SAP30L: variants seen among roughly 807,000 people sequenced by gnomAD.
SAP30L encodes SAP30 like, also known as histone deacetylase complex subunit SAP30L.
Under a neutral mutation model 22.3 loss-of-function variants are expected in SAP30L, and 10 were observed. The observed-to-expected ratio is 0.45, with a 90% confidence interval of 0.28 to 0.76. The LOEUF (loss-of-function observed/expected upper bound fraction) is 0.76, where lower values mean the gene tolerates loss of function less well. SAP30L is among the 30% of genes least tolerant of loss of function. SAP30L has a pLI of 0.14. For synonymous variants in SAP30L, 91 were observed against 94.1 expected (o/e 0.97, Z 0.19); for missense variants, 206 against 237.9 (o/e 0.87, Z 0.88).
Position 154,456,808 on chromosome 5 carries a change from A to ATT in SAP30L, c.*781_*782insTT, listed in dbSNP as rs1417734839. 1 of 152,240 alleles carries ATT rather than the reference A, an allele frequency of 6.6e-6. No individual in the cohort carries two copies. The highest frequency in any genetic ancestry group is 2.4e-5 in the African/African-American group (1 of 41,462). The allele number at this position is 152,240 out of a possible 1,614,324, so 9.4% of individuals were successfully genotyped here. On this transcript the variant is annotated 3_prime_UTR_variant, in exon 4 of 4. Transcript: ENST00000297109. ...ACTGATATAGAGACCCTCACAGAAGATACGGTCCCTTATGCACCCCACTAT... is the reference window on the plus strand; with the variant it reads ...ACTGATATAGAGACCCTCACAGAAGATTTACGGTCCCTTATGCACCCCACTAT...
At position 154,459,687 on chromosome 5, in the gene SAP30L, G is replaced by A. The variant is rs890493315; in HGVS notation, c.*3659G>A. The A allele has an allele frequency of 1.3e-5, 2 of 152,224 alleles. No homozygotes were observed. Among genetic ancestry groups the A allele is most frequent in the African/African-American group, 4.8e-5 (2 of 41,442 alleles). 9.4% of individuals were successfully genotyped at this position (152,224 alleles called of 1,614,324 possible). On this transcript the variant is annotated 3_prime_UTR_variant, in exon 4 of 4. Coordinates refer to ENST00000297109, the MANE Select transcript of SAP30L (RefSeq NM_024632.6). ...GATGTTAGCAGCCTGCTAAACCTCA[G>A]ACAGATGAGGACTCAGTTCTGTGCT...
chr5:154,453,503 A>T lies in SAP30L; in HGVS notation c.423+3A>T. 1 of 1,604,348 alleles carries T rather than the reference A, an allele frequency of 6.2e-7. No homozygotes were observed. Among genetic ancestry groups the T allele is most frequent in the Non-Finnish European group, 8.5e-7 (1 of 1,171,012 alleles). ...TCAATAAGGCCCAGTTAGCAGAAGTAGGTAGACAAAATTGCCCTCTAAAGA... is the reference window on the plus strand; with the variant it reads ...TCAATAAGGCCCAGTTAGCAGAAGTTGGTAGACAAAATTGCCCTCTAAAGA... On this transcript the variant is annotated splice_donor_region_variant and intron_variant, in intron 3 of 3. Coordinates refer to ENST00000297109, the MANE Select transcript of SAP30L (RefSeq NM_024632.6).
intron 3 of SAP30L, among the ~76,000 whole-genome samples, chr5:154,455,387 T>C (rs1757242299): frequency 6.6e-6 from 1 of 152,186 alleles, no homozygotes; most frequent in Non-Finnish European, 1.5e-5. Flanking sequence ...GCTAATTTTT[T>C]GGTAGAGATG....
At chr5:154,450,447 G>A (rs984465425) in intron 1 of SAP30L, among the ~76,000 whole-genome samples, 7 of 152,244 alleles carry the variant, frequency 4.6e-5, no homozygotes, top group Admixed American at 6.5e-5. Flanking sequence ...CCCAAATACC[G>A]TTGCAACAGT....
At chr5:154,447,963 CTTTTTCTTTTTTTTT>C (rs1392880029) in intron 1 of SAP30L, among the ~76,000 whole-genome samples, 2 of 114,678 alleles carry the variant, frequency 1.7e-5, no homozygotes, top group Non-Finnish European at 3.6e-5. Context: ...TTTTTTTTTT[CTTTTTCTTTTTTTTT>C]TTTTTTTTTT....
Position 154,458,170 on chromosome 5 carries a change from C to A in SAP30L, c.*2142C>A, listed in dbSNP as rs1429911674. 6.6e-6 allele frequency: 1 copy of A among 152,300 alleles called. No individual in the cohort carries two copies. Among genetic ancestry groups the A allele is most frequent in the South Asian group, 2.1e-4 (1 of 4,828 alleles). 9.4% of individuals were successfully genotyped at this position (152,300 alleles called of 1,614,324 possible). A position where few individuals can be genotyped will look rare whatever the true frequency, so the allele number is the denominator to read the frequency against. Reference sequence around the variant, plus strand: ...AAGCGAAACCTGGGGAAATGTTTTACCTTCAGCCAGATGCTGTGTGTGTAC... The same window carrying A: ...AAGCGAAACCTGGGGAAATGTTTTAACTTCAGCCAGATGCTGTGTGTGTAC... On this transcript the variant is annotated 3_prime_UTR_variant, in exon 4 of 4. Coordinates refer to ENST00000297109, the MANE Select transcript of SAP30L (RefSeq NM_024632.6).
intron 2 of SAP30L, among the ~76,000 whole-genome samples, chr5:154,452,744 G>GTTCTT (rs67133215): frequency 6.3e-4 from 34 of 54,034 alleles, no homozygotes; most frequent in African/African-American, 2.1e-3. Flanking sequence ...GAGGATAACA[G>GTTCTT]CCCTCCTTTG....
intron 1 of SAP30L, among the ~76,000 whole-genome samples, chr5:154,448,071 G>T (rs1757063279): frequency 6.8e-6 from 1 of 147,176 alleles, no homozygotes; most frequent in Non-Finnish European, 1.5e-5. Context: ...CGCCTCCCGG[G>T]TTGAAGCGAT....
chr5:154,453,536 C>A, intron 3 of SAP30L, 36 bp downstream of exon 3: 1 of 1,314,256 alleles, frequency 7.6e-7, no homozygotes, highest in Non-Finnish European at 1.1e-6. Context: ...AGAGAGCCAG[C>A]ATTGTGCTGC....
rs188492166 is a variant in SAP30L, at chr5:154,459,365, G to T, written c.*3337G>T. The T allele has an allele frequency of 2.6e-5, 4 of 152,254 alleles. No homozygotes were observed. The highest frequency in any genetic ancestry group is 5.9e-5 in the Non-Finnish European group (4 of 68,044). The allele number at this position is 152,254 out of a possible 1,614,324, so 9.4% of individuals were successfully genotyped here. On this transcript the variant is annotated 3_prime_UTR_variant, in exon 4 of 4. Coordinates refer to ENST00000297109, the MANE Select transcript of SAP30L (RefSeq NM_024632.6). Reference sequence around the variant, plus strand: ...AGAGAACCCACTACCTCGTGGAGAAGCCTGTTCTTTGTAAACCTCTGGCTT... The same window carrying T: ...AGAGAACCCACTACCTCGTGGAGAATCCTGTTCTTTGTAAACCTCTGGCTT...
chr5:154,457,453 A>G lies in SAP30L; in HGVS notation c.*1425A>G, dbSNP rs2113284090. On this transcript the variant is annotated 3_prime_UTR_variant, in exon 4 of 4. Coordinates refer to ENST00000297109, the MANE Select transcript of SAP30L (RefSeq NM_024632.6). ...TTCTTAAGCCTTAAATAATAAGAAC[A>G]ATGGACAGCCTGGCCTGGCAGAGAG... 6.6e-6 allele frequency: 1 copy of G among 152,340 alleles called. No individual in the cohort carries two copies. The highest frequency in any genetic ancestry group is 1.9e-4 in the East Asian group (1 of 5,186). 9.4% of individuals were successfully genotyped at this position (152,340 alleles called of 1,614,324 possible).
Position 154,455,976 on chromosome 5 carries a change from G to T in SAP30L, c.500G>T (p.Ser167Ile), listed in dbSNP as rs751629266. The change falls in exon 4 of 4, where the codon AGT (serine) becomes ATT (isoleucine). Residue 167 changes from serine (S) to isoleucine (I), a missense_variant. By Grantham distance (142) the Ser-to-Ile change is moderately radical. Transcript: ENST00000297109. Reference sequence around the variant, plus strand: ...GCCTACTTCATCTACATGGTGAAGAGTAACAAGAGTAGACTGGACCAGAAA... The same window carrying T: ...GCCTACTTCATCTACATGGTGAAGATTAACAAGAGTAGACTGGACCAGAAA... ...TLAYFIYMVK[S>I]NKSRLDQKSE... The T allele has an allele frequency of 7.4e-6, 12 of 1,613,972 alleles. No homozygotes were observed. The highest frequency in any genetic ancestry group is 8.5e-6 in the Non-Finnish European group (10 of 1,179,944).
intron 1 of SAP30L, among the ~76,000 whole-genome samples, chr5:154,447,486 T>C (rs1412340200): frequency 3.9e-5 from 6 of 152,258 alleles, no homozygotes; most frequent in African/African-American, 1.2e-4. Flanking sequence ...TTGTGGCTTA[T>C]TATAGGAAAC....
Position 154,446,473 on chromosome 5 carries a change from C to T in SAP30L, c.-132C>T, listed in dbSNP as rs981024575. ...CGGGCCTCTCGGACGCGGGGCAGGG[C>T]AGCGCCCGGGCTGGAGACGGACTCT... On this transcript the variant is annotated 5_prime_UTR_variant, in exon 1 of 4. Coordinates refer to ENST00000297109, the MANE Select transcript of SAP30L (RefSeq NM_024632.6). The T allele has an allele frequency of 1.2e-5, 9 of 731,684 alleles. No homozygotes were observed. Among genetic ancestry groups the T allele is most frequent in the Admixed American group, 4.3e-5 (1 of 23,102 alleles). 45.3% of individuals were successfully genotyped at this position (731,684 alleles called of 1,614,324 possible).
At chr5:154,449,328 G>C (rs1249259456) in intron 1 of SAP30L, among the ~76,000 whole-genome samples, 2 of 152,142 alleles carry the variant, frequency 1.3e-5, no homozygotes, top group South Asian at 4.1e-4. Context: ...ATGTACTGGG[G>C]GGGCAGAAGG....
At chr5:154,448,229 G>A (rs1757066394) in intron 1 of SAP30L, among the ~76,000 whole-genome samples, 2 of 152,006 alleles carry the variant, frequency 1.3e-5, no homozygotes, top group African/African-American at 4.8e-5. Context: ...ACCCGCCTAG[G>A]CCTCCCAAAG....
rs769957354 is a variant in SAP30L, at chr5:154,446,802, G to A, written c.198G>A (p.Lys66=). ...AGAAACTCAAGCTGGACATCGACAA[G>A]AGCGTGAGTCCGCCCCCGCTCGCGT... The part of the protein sequence containing the change: ...SQKKLKLDID[K]SVRHLYICDF... The change falls in exon 1 of 4, where the codon AAG becomes AAA. Residue 66 remains lysine, a synonymous_variant. Coordinates refer to ENST00000297109, the MANE Select transcript of SAP30L (RefSeq NM_024632.6). The A allele has an allele frequency of 1.9e-6, 3 of 1,602,570 alleles. No individual in the cohort carries two copies. The highest frequency in any genetic ancestry group is 1.7e-6 in the Non-Finnish European group (2 of 1,176,044).
intron 2 of SAP30L, 106 bp from the exon 3 acceptor site, chr5:154,453,296 T>A: frequency 1.3e-6 from 1 of 757,926 alleles, no homozygotes. Context: ...TTTGAAGCCC[T>A]CCCCATCCTC....
chr5:154,447,666 GCTA>G (rs1757050035), intron 1 of SAP30L, among the ~76,000 whole-genome samples: 1 of 152,214 alleles, frequency 6.6e-6, no homozygotes, highest in Non-Finnish European at 1.5e-5. Flanking sequence ...AGGTAGACTA[GCTA>G]AGAGCTTAGG....
Sources: gnomAD v4.1 joint callset for allele counts (sites outside exome capture counted in the v4.1 genomes callset) on GRCh38, gnomAD v4.1.1 for gene constraint, MANE v1.5 for transcripts, NCBI Gene and HGNC (gene_info 2026-07-23, HGNC 2026-07-21) for gene names.